The following PLAAT1 variants were observed in gnomAD, a reference collection of about 807,000 sequenced individuals.
The protein encoded by PLAAT1 is H-REV107 protein-related protein.
PLAAT1 carries 13 observed loss-of-function variants against 16.4 expected under a neutral mutation model. The observed-to-expected ratio is 0.79, with a 90% CI of 0.52 to 1.26. PLAAT1 has a LOEUF of 1.26. Among genes scored for constraint, PLAAT1 ranks in the 50% most tolerant of loss-of-function variants. The probability of loss-of-function intolerance (pLI) is 0.00; values close to 1 mark genes in which losing one functional copy is unlikely to be tolerated. For missense variants in PLAAT1, 218 were observed against 207.8 expected, an observed-to-expected ratio of 1.05 and a Z score of -0.30; for synonymous variants, 73 against 78.4, an observed-to-expected ratio of 0.93 and a Z score of 0.36.
chr3:193,248,018 C>T (rs768754496), intron 1 of PLAAT1, among the ~76,000 whole-genome samples: 17 of 152,102 alleles, frequency 1.1e-4, no homozygotes, highest in Non-Finnish European at 1.5e-4. Context: ...ATGTTGAAAG[C>T]GGGACATTAT....
chr3:193,258,950 AAAAG>A (rs1305893078), intron 2 of PLAAT1, among the ~76,000 whole-genome samples: 2 of 152,152 alleles, frequency 1.3e-5, no homozygotes, highest in African/African-American at 4.8e-5. Context: ...GACACACAAA[AAAAG>A]AAAACTTCAG....
chr3:193,241,409 C>A lies in PLAAT1; in HGVS notation c.-125C>A, dbSNP rs991622955. On this transcript the variant is annotated 5_prime_UTR_variant, in exon 1 of 4. Coordinates refer to ENST00000264735, the MANE Select transcript of PLAAT1 (RefSeq NM_020386.5). ...TGGCGCCTGCCTCCCGGGTGTCTCC[C>A]GGGTACAGATGGAGTCGTCCCGCGG... 8.1e-5 allele frequency: 100 copies of A among 1,231,716 alleles called. No homozygotes were observed. Among genetic ancestry groups the A allele is most frequent in the Non-Finnish European group, 9.7e-5 (96 of 988,090 alleles). 76.3% of individuals were successfully genotyped at this position (1,231,716 alleles called of 1,614,324 possible).
chr3:193,275,379 C>T (rs1161596712), downstream of PLAAT1: 2 of 1,517,594 alleles, frequency 1.3e-6, no homozygotes, highest in African/African-American at 2.8e-5. Context: ...ACCACAGCCA[C>T]CTCCTTTCCC....
intron 2 of PLAAT1, among the ~76,000 whole-genome samples, chr3:193,256,678 G>A (rs1323127603): frequency 6.6e-6 from 1 of 152,172 alleles, no homozygotes; most frequent in Non-Finnish European, 1.5e-5. Flanking sequence ...TAAAGGTATT[G>A]TTGATGGTAA....
At chr3:193,281,221 GGAA>G (rs1717480122), downstream of PLAAT1, 1 of 985,302 alleles carries the variant, frequency 1.0e-6, no homozygotes, top group African/African-American at 1.7e-5. Flanking sequence ...GCAGAAGCTG[GGAA>G]GAAGAGGACG....
chr3:193,241,118 CGGCGGGCGGGCG>C (rs3048407), upstream of PLAAT1: 250 of 852,642 alleles, frequency 2.9e-4, 1 homozygote, highest in African/African-American at 2.0e-3. Context: ...TGCAGTTCCC[CGGCGGGCGGGCG>C]GGCGGGCGGG....
At position 193,241,236 on chromosome 3, in the gene PLAAT1, C is replaced by G; in HGVS notation, c.-298C>G. The G allele has an allele frequency of 8.2e-7, 1 of 1,225,262 alleles. No homozygotes were observed. Among genetic ancestry groups the G allele is most frequent in the Non-Finnish European group, 1.0e-6 (1 of 983,776 alleles). 75.9% of individuals were successfully genotyped at this position (1,225,262 alleles called of 1,614,324 possible). On this transcript the variant is annotated 5_prime_UTR_variant, in exon 1 of 4. Transcript: ENST00000264735. ...GGCTCCCCATGGTCAGAGCCTCGTGCCGGCTCGGCAGCGCCCGGACGCCGA... is the reference window on the plus strand; with the variant it reads ...GGCTCCCCATGGTCAGAGCCTCGTGGCGGCTCGGCAGCGCCCGGACGCCGA...
chr3:193,251,261 GA>G (rs1333918687), intron 1 of PLAAT1, among the ~76,000 whole-genome samples: 1 of 152,184 alleles, frequency 6.6e-6, no homozygotes, highest in Non-Finnish European at 1.5e-5. Flanking sequence ...TCTTTTCCTT[GA>G]GAAATTGTAG....
downstream of PLAAT1, among the ~76,000 whole-genome samples, chr3:193,279,753 G>C (rs1039025473): frequency 1.3e-5 from 2 of 151,998 alleles, no homozygotes; most frequent in African/African-American, 4.8e-5. Context: ...GCTTGCGTGG[G>C]ATAAACAGTC....
At chr3:193,280,274 C>T (rs1452235927), downstream of PLAAT1, among the ~76,000 whole-genome samples, 2 of 152,034 alleles carry the variant, frequency 1.3e-5, no homozygotes, top group Non-Finnish European at 2.9e-5. Flanking sequence ...AGGCTGGGCT[C>T]GAACTCCTGA....
chr3:193,280,490 T>A (rs1407267894), downstream of PLAAT1, among the ~76,000 whole-genome samples: 2 of 152,218 alleles, frequency 1.3e-5, no homozygotes, highest in African/African-American at 4.8e-5. Context: ...CTGTGACCAT[T>A]TGAAAGTGGC....
At chr3:193,256,065 T>A (rs1379469082) in intron 2 of PLAAT1, among the ~76,000 whole-genome samples, 4 of 152,148 alleles carry the variant, frequency 2.6e-5, no homozygotes, top group African/African-American at 9.7e-5. Context: ...GCCACAAACA[T>A]GGCAAGGTTC....
intron 1 of PLAAT1, among the ~76,000 whole-genome samples, chr3:193,241,747 C>T (rs1276128124): frequency 6.6e-6 from 1 of 152,164 alleles, no homozygotes; most frequent in African/African-American, 2.4e-5. Flanking sequence ...GACTAGAAAC[C>T]CAACCTGTTT....
intron 1 of PLAAT1, among the ~76,000 whole-genome samples, chr3:193,248,961 C>T (rs1560098645): frequency 6.6e-6 from 1 of 152,060 alleles, no homozygotes; most frequent in Non-Finnish European, 1.5e-5. Context: ...GTGAAGTGCC[C>T]ATTTTAGTAT....
At chr3:193,260,195 C>A (rs1716534117) in intron 2 of PLAAT1, among the ~76,000 whole-genome samples, 1 of 152,030 alleles carries the variant, frequency 6.6e-6, no homozygotes. Context: ...TCACTATGTA[C>A]AAAAATTTAC....
intron 2 of PLAAT1, chr3:193,276,626 T>G (rs1717215374): frequency 3.0e-6 from 2 of 671,340 alleles, no homozygotes; most frequent in Admixed American, 6.2e-5. Context: ...TGTACCATTT[T>G]AATAAACCCT....
intron 3 of PLAAT1, among the ~76,000 whole-genome samples, chr3:193,268,516 T>G (rs1716857562): frequency 6.6e-6 from 1 of 152,220 alleles, no homozygotes; most frequent in African/African-American, 2.4e-5. Flanking sequence ...TAATCCAAAG[T>G]AAGCCGTGAA....
chr3:193,245,387 C>T (rs927862334), intron 1 of PLAAT1, among the ~76,000 whole-genome samples: 5 of 152,132 alleles, frequency 3.3e-5, no homozygotes, highest in Admixed American at 6.5e-5. Context: ...TTTTAAAAGG[C>T]TGTATAGTTA....
At chr3:193,253,932 G>A (rs1716285949) in intron 1 of PLAAT1, among the ~76,000 whole-genome samples, 1 of 152,098 alleles carries the variant, frequency 6.6e-6, no homozygotes, top group Non-Finnish European at 1.5e-5. Context: ...CCGTTCAAAT[G>A]GTGGTTATTA....
Sources: gnomAD v4.1 joint callset for allele counts (sites outside exome capture counted in the v4.1 genomes callset) on GRCh38, gnomAD v4.1.1 for gene constraint, MANE v1.5 for transcripts, NCBI Gene and HGNC (gene_info 2026-07-23, HGNC 2026-07-21) for gene names.